The following SEMA3D variants were observed in gnomAD, a reference collection of about 807,000 sequenced individuals.
SEMA3D encodes semaphorin-3D.
In SEMA3D, 84 loss-of-function variants were observed where a neutral mutation model predicts 100.1. The observed-to-expected ratio is 0.84, with a 90% confidence interval of 0.70 to 1.01. SEMA3D has a LOEUF of 1.01. Ranked by LOEUF, SEMA3D falls within the 50% of genes least tolerant of loss-of-function variation. The pLI is 0.00. For synonymous variants in SEMA3D, 312 were observed against 320.7 expected, an observed-to-expected ratio of 0.97 and a Z score of 0.29; for missense variants, 875 against 934.1, an observed-to-expected ratio of 0.94 and a Z score of 0.82.
At chr7:85,146,393 A>G (rs1583966036) in intron 2 of SEMA3D, among the ~76,000 whole-genome samples, 1 of 151,780 alleles carries the variant, frequency 6.6e-6, no homozygotes. Context: ...CATCTCTACT[A>G]AAAATACAAA....
At chr7:85,224,826 C>A in the SEMA3D span, among the ~76,000 whole-genome samples, 1 of 151,718 alleles carries the variant, frequency 6.6e-6, no homozygotes, top group African/African-American at 2.4e-5. Flanking sequence ...TAAAGCCTTG[C>A]TTTATACTGA....
the SEMA3D span, among the ~76,000 whole-genome samples, chr7:85,238,980 T>C: frequency 6.6e-6 from 1 of 152,286 alleles, no homozygotes; most frequent in African/African-American, 2.4e-5. Flanking sequence ...TAAAAAACTT[T>C]AAATTTTCTA....
rs756983635 is a variant in SEMA3D at position 85,040,770 on chromosome 7, C to T, written c.977-28G>A. On this transcript the variant is annotated intron_variant, in intron 10 of 18. Transcript: ENST00000284136. Reference sequence around the variant, plus strand: ...ATTAAAGGGGAAAAATAAATATTTACTCTTATTTTTCAGTATTACATTGCT... The same window carrying T: ...ATTAAAGGGGAAAAATAAATATTTATTCTTATTTTTCAGTATTACATTGCT... 1.4e-5 allele frequency: 15 copies of T among 1,050,844 alleles called. No individual in the cohort carries two copies. In the East Asian group the frequency reaches 3.6e-4, roughly 25 times the overall value. The allele number at this position is 1,050,844 out of a possible 1,614,324, so 65.1% of individuals were successfully genotyped here.
intron 2 of SEMA3D, among the ~76,000 whole-genome samples, chr7:85,125,246 T>C (rs567283940): frequency 1.3e-5 from 2 of 152,230 alleles, no homozygotes; most frequent in Non-Finnish European, 2.9e-5. Context: ...TTTCCATATG[T>C]GCATTTTATT....
At chr7:85,168,128 A>T (rs138091286) in intron 1 of SEMA3D, among the ~76,000 whole-genome samples, 1 of 151,850 alleles carries the variant, frequency 6.6e-6, no homozygotes, top group East Asian at 1.9e-4. Flanking sequence ...AAATAGATTA[A>T]TCAACCTGTG....
At chr7:85,222,873 G>A in the SEMA3D span, among the ~76,000 whole-genome samples, 2 of 152,102 alleles carry the variant, frequency 1.3e-5, no homozygotes, top group East Asian at 3.9e-4. Context: ...GTGTCACACA[G>A]AGTGGGAGAA....
At chr7:85,058,970 A>C (rs1013875389) in intron 8 of SEMA3D, among the ~76,000 whole-genome samples, 7 of 152,174 alleles carry the variant, frequency 4.6e-5, no homozygotes, top group African/African-American at 1.2e-4. Flanking sequence ...TGGATTAAGG[A>C]AATATTGACA....
At chr7:85,014,749 A>G (rs17639510) in intron 16 of SEMA3D, among the ~76,000 whole-genome samples, 34,864 of 151,304 alleles carry the variant, frequency 0.23, 4,900 homozygotes, top group Non-Finnish European at 0.33. Context: ...GAACAATTAT[A>G]AAAAAGGCAA....
intron 1 of SEMA3D, among the ~76,000 whole-genome samples, chr7:85,163,785 T>A (rs1790812836): frequency 6.6e-6 from 1 of 152,104 alleles, no homozygotes; most frequent in South Asian, 2.1e-4. Flanking sequence ...AATGTTTCAA[T>A]CCTGATTCAA....
chr7:85,146,216 A>C (rs971379999), intron 2 of SEMA3D, among the ~76,000 whole-genome samples: 1 of 152,166 alleles, frequency 6.6e-6, no homozygotes, highest in African/African-American at 2.4e-5. Context: ...ATGTATACAT[A>C]TATGTATTTT....
In SEMA3D at chr7:84,999,590, G is replaced by A; in HGVS notation, c.2184C>T (p.Asp728=). 6.2e-7 allele frequency: 1 copy of A among 1,614,082 alleles called. No individual in the cohort carries two copies. Among genetic ancestry groups the A allele is most frequent in the Non-Finnish European group, 8.5e-7 (1 of 1,180,020 alleles). The change falls in exon 19 of 19, where the codon GAC becomes GAT. Residue 728 remains aspartate (D), a synonymous_variant. Coordinates refer to ENST00000284136, the MANE Select transcript of SEMA3D (RefSeq NM_001384900.1). ...QILSSPNFSL[D]QYCEQMWHRE... is the part of the protein sequence containing the mutation. ...TGTGCCACATCTGTTCGCAGTACTG[G>A]TCGAGGCTGAAGTTTGGGCTGCTAA...
At chr7:85,204,766 CCA>C in the SEMA3D span, among the ~76,000 whole-genome samples, 34 of 152,204 alleles carry the variant, frequency 2.2e-4, no homozygotes, top group African/African-American at 8.2e-4. Flanking sequence ...GCCTTAGGAA[CCA>C]GCCTTCTTGC....
the SEMA3D span, among the ~76,000 whole-genome samples, chr7:85,201,661 C>G: frequency 6.6e-6 from 1 of 152,128 alleles, no homozygotes; most frequent in Non-Finnish European, 1.5e-5. Flanking sequence ...TCAATTGCCA[C>G]TATTCTATGG....
At chr7:85,109,474 A>C (rs909981925) in intron 3 of SEMA3D, among the ~76,000 whole-genome samples, 1 of 152,000 alleles carries the variant, frequency 6.6e-6, no homozygotes. Flanking sequence ...CATCGGGATT[A>C]CTGAAGTATT....
intron 3 of SEMA3D, among the ~76,000 whole-genome samples, chr7:85,105,909 C>T (rs1305657067): frequency 2.0e-5 from 3 of 151,994 alleles, no homozygotes; most frequent in Non-Finnish European, 1.5e-5. Context: ...CTCATGGTCA[C>T]ATTTCTATCA....
At chr7:85,137,205 AAT>A (rs1358085486) in intron 2 of SEMA3D, among the ~76,000 whole-genome samples, 2 of 151,970 alleles carry the variant, frequency 1.3e-5, no homozygotes, top group African/African-American at 4.8e-5. Context: ...ATTTTTATCA[AAT>A]AGAGAAGTAA....
At chr7:85,185,739 G>C (rs927414228) in intron 1 of SEMA3D, among the ~76,000 whole-genome samples, 17 of 152,172 alleles carry the variant, frequency 1.1e-4, no homozygotes, top group African/African-American at 3.9e-4. Flanking sequence ...CCAGGAGGTT[G>C]AACTCGAGTC....
Position 85,115,009 on chromosome 7 carries a change from A to C in SEMA3D, c.151+6732T>G, listed in dbSNP as rs151161659. On this transcript the variant is annotated intron_variant, in intron 3 of 18. Coordinates refer to ENST00000284136, the MANE Select transcript of SEMA3D (RefSeq NM_001384900.1). ...TTAGCAAAGGGCATAAAATCCTACA[A>C]AAATCAAATAATCTTTTTGGCTACC... 1.6e-3 allele frequency among the ~76,000 whole-genome samples: 250 copies of C among 152,338 alleles called. 2 individuals carry two copies. The highest frequency in any genetic ancestry group is 5.7e-3 in the African/African-American group (236 of 41,584).
intron 3 of SEMA3D, among the ~76,000 whole-genome samples, chr7:85,109,586 G>A (rs1789030915): frequency 6.6e-6 from 1 of 151,850 alleles, no homozygotes; most frequent in South Asian, 2.1e-4. Flanking sequence ...TCTAATTTAT[G>A]CCTCTTTTGA....
Sources: allele counts gnomAD v4.1 joint callset (sites outside exome capture counted in the v4.1 genomes callset), GRCh38; gene constraint gnomAD v4.1.1; transcripts MANE v1.5; gene names NCBI Gene and HGNC (gene_info 2026-07-23, HGNC 2026-07-21).